The following GSK3B variants were observed in gnomAD, a reference collection of about 807,000 sequenced individuals.
The protein encoded by GSK3B is glycogen synthase kinase 3 beta.
Under a neutral mutation model 56.4 loss-of-function variants are expected in GSK3B, and 15 were observed. The ratio of observed to expected loss-of-function variants is 0.27; its 90% CI spans 0.18 to 0.41. GSK3B has a LOEUF of 0.41. GSK3B is among the 10% of genes least tolerant of loss of function. GSK3B has a pLI of 1.00. For synonymous variants in GSK3B, 181 were observed against 188.9 expected (o/e 0.96, Z 0.34); for missense variants, 300 against 513.4 (o/e 0.58, Z 4.02).
At chr3:119,939,529 T>C (rs1280560894) in intron 3 of GSK3B, among the ~76,000 whole-genome samples, 3 of 152,180 alleles carry the variant, frequency 2.0e-5, no homozygotes, top group Non-Finnish European at 2.9e-5. Flanking sequence ...CAATGACCCA[T>C]ATTGTCTCTT....
chr3:119,976,786 TAGAA>T (rs1393322692), intron 2 of GSK3B, among the ~76,000 whole-genome samples: 29 of 95,462 alleles, frequency 3.0e-4, no homozygotes, highest in African/African-American at 1.9e-4. Context: ...AAAAAAAAAA[TAGAA>T]AGGTTTTAGT....
At chr3:119,870,920 T>C (rs2056242994) in intron 8 of GSK3B, among the ~76,000 whole-genome samples, 1 of 152,302 alleles carries the variant, frequency 6.6e-6, no homozygotes, top group South Asian at 2.1e-4. Context: ...AAATGAGTAA[T>C]GCAGAGAGAC....
intron 1 of GSK3B, among the ~76,000 whole-genome samples, chr3:120,031,017 T>A (rs538569834): frequency 6.6e-6 from 1 of 152,318 alleles, no homozygotes; most frequent in African/African-American, 2.4e-5. Context: ...CCCAACAAAC[T>A]CATCTATTAT....
chr3:119,972,499 G>T (rs113979509), intron 2 of GSK3B, among the ~76,000 whole-genome samples: 1 of 152,082 alleles, frequency 6.6e-6, no homozygotes, highest in Admixed American at 6.5e-5. Flanking sequence ...ACAGTGGTGC[G>T]ATCTCGGCTC....
intron 1 of GSK3B, among the ~76,000 whole-genome samples, chr3:120,020,869 G>C (rs2057870624): frequency 6.6e-6 from 1 of 152,212 alleles, no homozygotes; most frequent in Admixed American, 6.5e-5. Flanking sequence ...TGCTACTCCA[G>C]TAAACAGATG....
chr3:119,922,144 G>A (rs2056845980), intron 4 of GSK3B, among the ~76,000 whole-genome samples: 2 of 149,922 alleles, frequency 1.3e-5, no homozygotes, highest in Non-Finnish European at 3.0e-5. Flanking sequence ...AAGGAAGGAA[G>A]GAAGGAGGTA....
chr3:119,985,524 T>C (rs1262589376), intron 2 of GSK3B, among the ~76,000 whole-genome samples: 1 of 152,096 alleles, frequency 6.6e-6, no homozygotes, highest in Non-Finnish European at 1.5e-5. Context: ...ATCACAAGCA[T>C]TCCTAGACAC....
rs35196637 is a variant in GSK3B, at chr3:119,950,623, A to G, written c.283-3272T>C. ...GACACAGGGTCCTAAGGGGTTAGAAAGTTTGAGGAGAGATTTCCAGGTACA... is the reference window on the plus strand; with the variant it reads ...GACACAGGGTCCTAAGGGGTTAGAAGGTTTGAGGAGAGATTTCCAGGTACA... On this transcript the variant is annotated intron_variant, in intron 2 of 10. Coordinates refer to ENST00000264235, the MANE Select transcript of GSK3B (RefSeq NM_001146156.2). 4.6e-3 allele frequency among the ~76,000 whole-genome samples: 698 copies of G among 152,278 alleles called. 6 individuals carry two copies. The highest frequency in any genetic ancestry group is 0.016 in the African/African-American group (659 of 41,562).
chr3:120,054,940 G>C (rs1455687290), intron 1 of GSK3B, among the ~76,000 whole-genome samples: 1 of 152,074 alleles, frequency 6.6e-6, no homozygotes, highest in Non-Finnish European at 1.5e-5. Context: ...CAAATATCTG[G>C]GTGTCTTTCT....
At chr3:120,017,769 T>TA (rs1295868054) in intron 1 of GSK3B, among the ~76,000 whole-genome samples, 4 of 152,322 alleles carry the variant, frequency 2.6e-5, no homozygotes, top group African/African-American at 9.6e-5. Context: ...GGGCAACACT[T>TA]ACAGTTATCA....
chr3:119,920,187 T>C (rs530693908), intron 4 of GSK3B, among the ~76,000 whole-genome samples: 139 of 152,278 alleles, frequency 9.1e-4, no homozygotes, highest in African/African-American at 3.3e-3. Flanking sequence ...CAATCTATAA[T>C]AAAAGTAAAC....
chr3:119,961,368 C>CTA (rs1021134406), intron 2 of GSK3B, among the ~76,000 whole-genome samples: 4 of 152,166 alleles, frequency 2.6e-5, no homozygotes, highest in Admixed American at 1.3e-4. Flanking sequence ...TGGCTCACAC[C>CTA]TGTAATCCCA....
At chr3:120,031,405 G>A (rs1359327098) in intron 1 of GSK3B, among the ~76,000 whole-genome samples, 2 of 151,092 alleles carry the variant, frequency 1.3e-5, no homozygotes, top group Admixed American at 1.3e-4. Context: ...ACAAACTTGA[G>A]TCTGGGTCCA....
At chr3:119,911,287 C>G (rs1474101128) in intron 6 of GSK3B, among the ~76,000 whole-genome samples, 1 of 152,184 alleles carries the variant, frequency 6.6e-6, no homozygotes, top group Non-Finnish European at 1.5e-5. Flanking sequence ...TAGGTCTCAG[C>G]AGTGGGCTTC....
intron 1 of GSK3B, among the ~76,000 whole-genome samples, chr3:120,069,900 GTGA>G (rs1247373336): frequency 6.6e-6 from 1 of 152,066 alleles, no homozygotes; most frequent in East Asian, 1.9e-4. Context: ...AATGCATCTG[GTGA>G]TGATTTTTCC....
At chr3:119,921,673 T>C (rs2056841289) in intron 4 of GSK3B, among the ~76,000 whole-genome samples, 1 of 152,104 alleles carries the variant, frequency 6.6e-6, no homozygotes, top group South Asian at 2.1e-4. Flanking sequence ...AAAGAAACAT[T>C]AGAGGCACAT....
intron 2 of GSK3B, among the ~76,000 whole-genome samples, chr3:119,957,190 A>G (rs183743641): frequency 2.0e-5 from 3 of 152,336 alleles, no homozygotes; most frequent in Non-Finnish European, 2.9e-5. Context: ...TTCCTTTTAC[A>G]TAACTATAAT....
chr3:119,883,634 C>T (rs1178061988), intron 7 of GSK3B, among the ~76,000 whole-genome samples: 2 of 152,086 alleles, frequency 1.3e-5, no homozygotes, highest in African/African-American at 4.8e-5. Context: ...CTGTGTTTGG[C>T]CCCTGGACCC....
chr3:119,918,203 G>C (rs1247376731), intron 4 of GSK3B, among the ~76,000 whole-genome samples: 1 of 152,022 alleles, frequency 6.6e-6, no homozygotes, highest in African/African-American at 2.4e-5. Context: ...GGGCGCGGTG[G>C]CTCACACCTA....
Sources: gnomAD v4.1 joint callset for allele counts (sites outside exome capture counted in the v4.1 genomes callset) on GRCh38, gnomAD v4.1.1 for gene constraint, MANE v1.5 for transcripts, NCBI Gene and HGNC (gene_info 2026-07-23, HGNC 2026-07-21) for gene names.